Variants in PDE3A observed in about 807,000 individuals in gnomAD.
PDE3A encodes the protein cGMP-inhibited 3',5'-cyclic phosphodiesterase 3A.
Under a neutral mutation model 98.3 loss-of-function variants are expected in PDE3A, and 43 were observed. The observed-to-expected ratio is 0.44, with a 90% CI of 0.34 to 0.56. The LOEUF is 0.56. Ranked by LOEUF, PDE3A falls within the 20% of genes least tolerant of loss-of-function variation. The pLI is 0.01. For missense variants in PDE3A, 1,427 were observed against 1,440.7 expected, an observed-to-expected ratio of 0.99 and a Z score of 0.15; for synonymous variants, 663 against 567.9, an observed-to-expected ratio of 1.17 and a Z score of -2.38.
At position 20,604,315 on chromosome 12, in the gene PDE3A, G is replaced by A. The variant is rs146530122; in HGVS notation, c.1012-9128G>A. On this transcript the variant is annotated intron_variant, in intron 2 of 15. Transcript: ENST00000359062. The stretch of plus-strand genomic sequence containing the variant: ...ATTTGAACAGAAGCAGTCTAACTTC[G>A]GTTCTTGCCTCCTTAAAGACCCCAT... 4.3e-3 allele frequency among the ~76,000 whole-genome samples: 656 copies of A among 152,098 alleles called. 2 individuals are homozygous for A. Among genetic ancestry groups the A allele is most frequent in the African/African-American group, 0.014 (567 of 41,500 alleles).
At chr12:20,665,243 G>A (rs986695067) in intron 15 of PDE3A, among the ~76,000 whole-genome samples, 3 of 152,210 alleles carry the variant, frequency 2.0e-5, no homozygotes, top group Non-Finnish European at 2.9e-5. Context: ...CTAGAACTGA[G>A]GACAACATTT....
chr12:20,579,447 G>A (rs1392593966), intron 2 of PDE3A, among the ~76,000 whole-genome samples: 2 of 151,694 alleles, frequency 1.3e-5, no homozygotes, highest in Non-Finnish European at 2.9e-5. Context: ...GAGCTCATTT[G>A]TCTCTTATAC....
chr12:20,370,116 G>A lies in PDE3A; in HGVS notation c.832G>A (p.Gly278Arg), dbSNP rs148857577. 39 of 1,613,222 alleles carry A rather than the reference G, an allele frequency of 2.4e-5. No individual in the cohort carries two copies. In the African/African-American group the frequency reaches 2.5e-4, roughly 10 times the overall value. ...REHLGSQLIA[G>R]TKEDIPVFKR... ...GCATTTGGGGTCCCAGCTGATTGCT[G>A]GGACCAAGGAAGATATCCCGGTGTT... Residue 278 changes from glycine (G) to arginine (R), a missense_variant, in exon 1 of 16, where the codon GGG becomes AGG. Gly to Arg is a moderately radical substitution (Grantham distance 125). Transcript: ENST00000359062.
intron 1 of PDE3A, among the ~76,000 whole-genome samples, chr12:20,376,576 G>T (rs1943575120): frequency 6.6e-6 from 1 of 151,882 alleles, no homozygotes; most frequent in African/African-American, 2.4e-5. Context: ...TAACTTTGTG[G>T]AGTCTTATCA....
intron 1 of PDE3A, among the ~76,000 whole-genome samples, chr12:20,417,693 C>G (rs1394341627): frequency 6.6e-6 from 1 of 152,048 alleles, no homozygotes; most frequent in African/African-American, 2.4e-5. Context: ...GCATATAACC[C>G]ACCAGTGTTT....
chr12:20,662,623 C>A (rs149023981), intron 15 of PDE3A, among the ~76,000 whole-genome samples: 1 of 151,954 alleles, frequency 6.6e-6, no homozygotes, highest in Non-Finnish European at 1.5e-5. Context: ...GGTATCTGGC[C>A]GAAGAAATCT....
chr12:20,558,018 G>A (rs1565588593), intron 2 of PDE3A, among the ~76,000 whole-genome samples: 2 of 152,178 alleles, frequency 1.3e-5, no homozygotes, highest in East Asian at 3.9e-4. Context: ...TCTGATGATT[G>A]CCACCAAAAC....
chr12:20,569,754 T>C (rs1446730448), intron 2 of PDE3A, among the ~76,000 whole-genome samples: 3 of 152,132 alleles, frequency 2.0e-5, no homozygotes, highest in Admixed American at 2.0e-4. Context: ...AACTTCAGTG[T>C]GCAAAGTACC....
At chr12:20,556,413 A>G (rs1158582580) in intron 1 of PDE3A, among the ~76,000 whole-genome samples, 1 of 152,168 alleles carries the variant, frequency 6.6e-6, no homozygotes, top group Admixed American at 6.6e-5. Context: ...TGTTCCTGAC[A>G]GAGCTACACA....
At chr12:20,577,825 C>G (rs942539463) in intron 2 of PDE3A, among the ~76,000 whole-genome samples, 1 of 152,150 alleles carries the variant, frequency 6.6e-6, no homozygotes, top group African/African-American at 2.4e-5. Context: ...ACGGGACGGG[C>G]CAGGGGAGAA....
intron 1 of PDE3A, among the ~76,000 whole-genome samples, chr12:20,419,355 C>G (rs528923871): frequency 6.6e-6 from 1 of 151,718 alleles, no homozygotes; most frequent in Non-Finnish European, 1.5e-5. Flanking sequence ...TGCAGTGGTA[C>G]GATCATAGCT....
chr12:20,581,042 A>T (rs949119186), intron 2 of PDE3A, among the ~76,000 whole-genome samples: 2 of 152,226 alleles, frequency 1.3e-5, no homozygotes, highest in African/African-American at 4.8e-5. Flanking sequence ...AATTACTGAG[A>T]TTTTCAAACA....
At chr12:20,572,933 AC>A (rs1942836251) in intron 2 of PDE3A, among the ~76,000 whole-genome samples, 1 of 152,064 alleles carries the variant, frequency 6.6e-6, no homozygotes, top group Admixed American at 6.6e-5. Flanking sequence ...CCCATACTGT[AC>A]TGATTGGTAT....
chr12:20,615,500 C>T (rs2121461596), intron 3 of PDE3A, among the ~76,000 whole-genome samples: 1 of 152,246 alleles, frequency 6.6e-6, no homozygotes, highest in Non-Finnish European at 1.5e-5. Flanking sequence ...GTCAATAATA[C>T]TTGGGGGTAT....
intron 4 of PDE3A, among the ~76,000 whole-genome samples, chr12:20,620,910 T>C (rs1944117482): frequency 6.6e-6 from 1 of 152,100 alleles, no homozygotes; most frequent in South Asian, 2.1e-4. Context: ...AAGTAAACAT[T>C]ATGACACTTA....
In PDE3A at chr12:20,552,091, G is replaced by C; in HGVS notation, c.961-4569G>C. 1 of 1,612,812 alleles carries C rather than the reference G, an allele frequency of 6.2e-7. No homozygotes were observed. On this transcript the variant is annotated intron_variant, in intron 1 of 15. Coordinates refer to ENST00000359062, the MANE Select transcript of PDE3A (RefSeq NM_000921.5). The surrounding 1 kb of genome is among the most constrained non-coding windows in gnomAD (Gnocchi z 5.1). The stretch of plus-strand genomic sequence containing the variant: ...GGGTAGTGGTGGTCGAGAGCTTTCC[G>C]GCAACAAGAGGACCGCGGAACAGTC...
chr12:20,607,474 TG>T (rs1463041924), intron 2 of PDE3A, among the ~76,000 whole-genome samples: 2 of 151,606 alleles, frequency 1.3e-5, no homozygotes, highest in Non-Finnish European at 2.9e-5. Context: ...AAAAACACAT[TG>T]GAAAATGGTG....
intron 4 of PDE3A, 34 bp downstream of exon 4, chr12:20,616,418 T>C: frequency 2.5e-6 from 4 of 1,585,062 alleles, no homozygotes; most frequent in South Asian, 1.1e-5. Flanking sequence ...TAATGTCTCT[T>C]AGAGAAGTTA....
At chr12:20,405,368 A>T (rs1944213930) in intron 1 of PDE3A, among the ~76,000 whole-genome samples, 1 of 151,924 alleles carries the variant, frequency 6.6e-6, no homozygotes, top group South Asian at 2.1e-4. Context: ...CCTTGGGATG[A>T]CCTAAATTCT....
Sources: gnomAD v4.1 joint callset for allele counts (sites outside exome capture counted in the v4.1 genomes callset) on GRCh38, gnomAD v4.1.1 for gene constraint, Gnocchi (gnomAD v3.1) non-coding constraint, MANE v1.5 for transcripts, NCBI Gene and HGNC (gene_info 2026-07-23, HGNC 2026-07-21) for gene names.